TMEM135: variants seen among roughly 807,000 people sequenced by gnomAD.
TMEM135 encodes peroxisomal membrane protein 52.
In TMEM135, 30 loss-of-function variants were observed where a neutral mutation model predicts 60.3. The ratio of observed to expected loss-of-function variants is 0.50; its 90% CI spans 0.37 to 0.68. TMEM135 has a LOEUF of 0.68. Among genes scored for constraint, TMEM135 ranks in the 30% least tolerant of loss-of-function variants. The pLI is 0.00. For missense variants in TMEM135, 468 were observed against 548.8 expected, an observed-to-expected ratio of 0.85 and a Z score of 1.47; for synonymous variants, 190 against 186.7, an observed-to-expected ratio of 1.02 and a Z score of -0.14.
intron 12 of TMEM135, among the ~76,000 whole-genome samples, chr11:87,317,786 C>T (rs1942757977): frequency 6.6e-6 from 1 of 152,050 alleles, no homozygotes; most frequent in Non-Finnish European, 1.5e-5. Context: ...GTGTAGACAC[C>T]ATTAAATGTT....
At chr11:87,299,789 C>T (rs1431900324) in intron 7 of TMEM135, among the ~76,000 whole-genome samples, 2 of 152,088 alleles carry the variant, frequency 1.3e-5, no homozygotes, top group East Asian at 1.9e-4. Context: ...CCTTACCTAG[C>T]GTCTTTCCCC....
At chr11:87,270,962 C>CT (rs35794273) in intron 6 of TMEM135, among the ~76,000 whole-genome samples, 30 of 149,542 alleles carry the variant, frequency 2.0e-4, no homozygotes, top group African/African-American at 6.4e-4. Flanking sequence ...CTCTCACAAG[C>CT]TTTTTTTTTT....
At chr11:87,195,334 C>T (rs1042061452) in intron 5 of TMEM135, among the ~76,000 whole-genome samples, 1 of 85,496 alleles carries the variant, frequency 1.2e-5, no homozygotes, top group Non-Finnish European at 2.5e-5. Flanking sequence ...TCCTTCCTTC[C>T]TTCCTTCCTT....
chr11:87,309,925 C>T (rs536738611), intron 10 of TMEM135, among the ~76,000 whole-genome samples: 1 of 152,102 alleles, frequency 6.6e-6, no homozygotes, highest in African/African-American at 2.4e-5. Context: ...TTGTCAGACT[C>T]ATTTTCTTTT....
chr11:87,124,015 C>G (rs546468700), intron 4 of TMEM135, among the ~76,000 whole-genome samples: 2 of 152,338 alleles, frequency 1.3e-5, no homozygotes, highest in South Asian at 4.1e-4. Context: ...TCTTTCTACT[C>G]TATCACTGTA....
chr11:87,196,854 T>A (rs1939972071), intron 5 of TMEM135, among the ~76,000 whole-genome samples: 3 of 152,138 alleles, frequency 2.0e-5, no homozygotes, highest in Admixed American at 2.0e-4. Context: ...TAGAATTTTT[T>A]AAAAAGTTAC....
At chr11:87,188,222 A>G (rs1342816581) in intron 5 of TMEM135, among the ~76,000 whole-genome samples, 2 of 152,082 alleles carry the variant, frequency 1.3e-5, no homozygotes, top group Non-Finnish European at 2.9e-5. Flanking sequence ...CCACCCCTCA[A>G]TCTCATACAG....
intron 5 of TMEM135, among the ~76,000 whole-genome samples, chr11:87,168,838 A>G (rs1253840737): frequency 6.6e-6 from 1 of 152,138 alleles, no homozygotes; most frequent in Non-Finnish European, 1.5e-5. Context: ...TCCAGAGCTG[A>G]GTTCAAGTCC....
intron 2 of TMEM135, among the ~76,000 whole-genome samples, chr11:87,069,901 G>C (rs984001349): frequency 2.0e-5 from 3 of 152,108 alleles, no homozygotes; most frequent in Non-Finnish European, 4.4e-5. Context: ...GCCAGGTACG[G>C]TGGCTCACAC....
intron 9 of TMEM135, among the ~76,000 whole-genome samples, chr11:87,307,020 A>G (rs1252298285): frequency 1.3e-5 from 2 of 152,084 alleles, no homozygotes; most frequent in African/African-American, 4.8e-5. Context: ...CGCCCGGCCA[A>G]GTTCCTTTAT....
intron 5 of TMEM135, among the ~76,000 whole-genome samples, chr11:87,179,561 A>G (rs2135301029): frequency 6.6e-6 from 1 of 152,294 alleles, no homozygotes; most frequent in Middle Eastern, 3.4e-3. Context: ...TCTTCAGATC[A>G]TATAAGTCTT....
chr11:87,276,143 A>G lies in TMEM135; in HGVS notation c.510-19639A>G, dbSNP rs563644615. ...GAAAATATAAAATTATAAAGACTGG[A>G]CACTAACGCACATAAATCCTATGTT... On this transcript the variant is annotated intron_variant, in intron 6 of 14. Transcript: ENST00000305494. 1.8e-3 allele frequency among the ~76,000 whole-genome samples: 281 copies of G among 152,310 alleles called. 1 individual carries two copies. Among genetic ancestry groups the G allele is most frequent in the African/African-American group, 6.2e-3 (259 of 41,560 alleles).
chr11:87,279,185 T>C (rs1469940490), intron 6 of TMEM135, among the ~76,000 whole-genome samples: 1 of 152,194 alleles, frequency 6.6e-6, no homozygotes, highest in East Asian at 1.9e-4. Context: ...AATTAGTAAA[T>C]GATTGTGTAC....
chr11:87,172,925 A>G (rs1414338695), intron 5 of TMEM135, among the ~76,000 whole-genome samples: 1 of 151,842 alleles, frequency 6.6e-6, no homozygotes, highest in Non-Finnish European at 1.5e-5. Flanking sequence ...GCACAAAGAT[A>G]CTTGATTATT....
chr11:87,245,655 C>G (rs535598061), intron 6 of TMEM135, among the ~76,000 whole-genome samples: 2 of 135,804 alleles, frequency 1.5e-5, no homozygotes, highest in African/African-American at 5.7e-5. Flanking sequence ...TCTGTTTTAT[C>G]AGAGACTAGG....
At chr11:87,069,159 G>A (rs1023118817) in intron 2 of TMEM135, among the ~76,000 whole-genome samples, 3 of 151,578 alleles carry the variant, frequency 2.0e-5, no homozygotes, top group Non-Finnish European at 2.9e-5. Context: ...GGTGGCATGC[G>A]CCTGTAGTCC....
chr11:87,146,124 C>G (rs1384799323), intron 4 of TMEM135, among the ~76,000 whole-genome samples: 1 of 152,178 alleles, frequency 6.6e-6, no homozygotes, highest in East Asian at 1.9e-4. Context: ...AGACAAGGCT[C>G]TAATTTCCTT....
intron 4 of TMEM135, among the ~76,000 whole-genome samples, chr11:87,122,437 A>ATATTTATTTATTTATT (rs1555106784): frequency 0.025 from 3,613 of 144,906 alleles, 142 homozygotes; most frequent in African/African-American, 0.078. Flanking sequence ...TTTAGTTTTT[A>ATATTTATTTATTTATT]TATTTATTTA....
At chr11:87,080,053 G>T (rs1334113147) in intron 3 of TMEM135, among the ~76,000 whole-genome samples, 3 of 151,536 alleles carry the variant, frequency 2.0e-5, no homozygotes, top group Non-Finnish European at 4.4e-5. Flanking sequence ...TATTGGCCAG[G>T]CTGGTCTCGA....
Sources: gnomAD v4.1 joint callset for allele counts (sites outside exome capture counted in the v4.1 genomes callset) on GRCh38, gnomAD v4.1.1 for gene constraint, MANE v1.5 for transcripts, NCBI Gene and HGNC (gene_info 2026-07-23, HGNC 2026-07-21) for gene names.